Variants in KCNC3 observed in about 807,000 individuals in gnomAD.
KCNC3 encodes potassium voltage-gated channel subfamily C member 3.
KCNC3 carries 22 observed loss-of-function variants against 43.9 expected under a neutral mutation model. That is an observed-to-expected ratio of 0.50 (90% confidence interval 0.36 to 0.72). KCNC3 has a LOEUF of 0.72. Among genes scored for constraint, KCNC3 ranks in the 30% least tolerant of loss-of-function variants. The pLI is 0.00. For missense variants in KCNC3, 829 were observed against 1,073.8 expected (o/e 0.77, Z 3.19); for synonymous variants, 492 against 488.0 (o/e 1.01, Z -0.11).
intron 2 of KCNC3, among the ~76,000 whole-genome samples, chr19:50,321,467 AAAAAGAT>A (rs779703540): frequency 1.3e-5 from 2 of 152,002 alleles, no homozygotes; most frequent in Non-Finnish European, 2.9e-5. Flanking sequence ...CCTGTCTCCA[AAAAAGAT>A]AAAAGATAAA....
upstream of KCNC3, among the ~76,000 whole-genome samples, chr19:50,330,207 C>T (rs1000249704): frequency 6.6e-5 from 10 of 152,158 alleles, no homozygotes; most frequent in Non-Finnish European, 1.2e-4. Flanking sequence ...GTAGAGGTTG[C>T]AATGAGTCGA....
intron 1 of KCNC3, among the ~76,000 whole-genome samples, chr19:50,327,305 G>A (rs1037906733): frequency 1.3e-5 from 2 of 152,152 alleles, no homozygotes; most frequent in African/African-American, 4.8e-5. Flanking sequence ...AGGCTTGGGG[G>A]AAGTCTGGAG....
rs1218702628 is a variant in KCNC3, at chr19:50,324,368, T to G, written c.871-286A>C. 6.6e-6 allele frequency among the ~76,000 whole-genome samples: 1 copy of G among 152,192 alleles called. No individual in the cohort carries two copies. The highest frequency in any genetic ancestry group is 1.5e-5 in the Non-Finnish European group (1 of 68,032). ...TTCCTTGGAAACATTTCTGGCCCCT[T>G]GCTGTTTCCTAGACCACCTCCCCCC... On this transcript the variant is annotated intron_variant, in intron 1 of 4. Coordinates refer to ENST00000477616, the MANE Select transcript of KCNC3 (RefSeq NM_004977.3). The surrounding 1 kb of genome is among the most constrained non-coding windows in gnomAD (Gnocchi z 4.1).
At position 50,328,380 on chromosome 19, in the gene KCNC3, G is replaced by GGCC. The variant is rs1347341383; in HGVS notation, c.700_702dup (p.Gly234dup). ...TTGAGCTCGCCGCCCGCTCCGTCCA[G>GGCC]GCCGCCGCCGCCCGCGCCCGCCTCG... On this transcript the variant is annotated inframe_insertion, in exon 1 of 5. Transcript: ENST00000477616. 2 of 1,258,170 alleles carry GGCC rather than the reference G, an allele frequency of 1.6e-6. No homozygotes were observed. The highest frequency in any genetic ancestry group is 2.9e-5 in the South Asian group (1 of 34,924). The allele number at this position is 1,258,170 out of a possible 1,614,324, so 77.9% of individuals were successfully genotyped here. A position where few individuals can be genotyped will look rare whatever the true frequency, so the allele number is the denominator to read the frequency against.
In KCNC3 at chr19:50,312,006, T is replaced by C. The variant is rs2036882165; in HGVS notation, c.*4109A>G. The C allele has an allele frequency of 6.6e-6, 1 of 152,012 alleles. No homozygotes were observed. The highest frequency in any genetic ancestry group is 2.4e-5 in the African/African-American group (1 of 41,368). The allele number at this position is 152,012 out of a possible 1,614,324, so 9.4% of individuals were successfully genotyped here. On this transcript the variant is annotated 3_prime_UTR_variant, in exon 5 of 5. Transcript: ENST00000477616. ...TGGGTGGGAAGGGGGCATGACACTT[T>C]TTCTTTGGGGAGAGGGGGGTGACAT...
Position 50,324,442 on chromosome 19 carries a change from CG to C in KCNC3, c.871-361del, listed in dbSNP as rs1259755929. Reference sequence around the variant, plus strand: ...TTTCAGGGCCCCCCAGCAGGGTCCACGGGTTCTGCTGTGGGACGGGAGCCGC... The same window carrying C: ...TTTCAGGGCCCCCCAGCAGGGTCCACGGTTCTGCTGTGGGACGGGAGCCGC... On this transcript the variant is annotated intron_variant, in intron 1 of 4. Coordinates refer to ENST00000477616, the MANE Select transcript of KCNC3 (RefSeq NM_004977.3). The surrounding 1 kb of genome is among the most constrained non-coding windows in gnomAD (Gnocchi z 4.1). 6.6e-6 allele frequency among the ~76,000 whole-genome samples: 1 copy of C among 152,144 alleles called. No homozygotes were observed. Among genetic ancestry groups the C allele is most frequent in the Non-Finnish European group, 1.5e-5 (1 of 68,026 alleles).
In KCNC3 at chr19:50,323,920, C is replaced by T. The variant is rs1393350550; in HGVS notation, c.1033G>A (p.Glu345Lys). The change falls in exon 2 of 5, where the codon GAG becomes AAG. Residue 345 changes from glutamate (E) to lysine (K), a missense_variant. Transcript: ENST00000477616. Reference protein sequence around the residue: ...ENITNVEVETEPFLTYVEGVC... With the variant: ...ENITNVEVETKPFLTYVEGVC... ...CCCTCCACGTAGGTCAGGAAGGGCT[C>T]CGTCTCCACCTCCACGTTGGTGATG... 1 of 1,614,208 alleles carries T rather than the reference C, an allele frequency of 6.2e-7. No individual in the cohort carries two copies. Among genetic ancestry groups the T allele is most frequent in the Non-Finnish European group, 8.5e-7 (1 of 1,180,040 alleles).
chr19:50,333,292 GA>G (rs2037208103), upstream of KCNC3, among the ~76,000 whole-genome samples: 1 of 152,214 alleles, frequency 6.6e-6, no homozygotes, highest in East Asian at 1.9e-4. Flanking sequence ...GCAGAGGGGG[GA>G]GTGACATCAC....
intron 2 of KCNC3, among the ~76,000 whole-genome samples, 190 bp from the exon 3 acceptor site, chr19:50,320,974 G>C (rs1220494901): frequency 4.1e-5 from 6 of 147,008 alleles, no homozygotes; most frequent in African/African-American, 1.2e-4. Context: ...ACAGCTGGGA[G>C]AGGGTATCAA....
Position 50,323,213 on chromosome 19 carries a change from G to T in KCNC3, c.1740C>A (p.Pro580=). Reference sequence around the variant, plus strand: ...GGTGCGGGTGGGGCGGGGGTGGCGGGGGTGGGTCAGGCTTGCAGTAGTTGG... The same window carrying T: ...GGTGCGGGTGGGGCGGGGGTGGCGGTGGTGGGTCAGGCTTGCAGTAGTTGG... ...GSPNYCKPDP[P]PPPPPHPHHG... The change falls in exon 2 of 5, where the codon CCC becomes CCA. Residue 580 remains proline (P), a synonymous_variant. Transcript: ENST00000477616. 1 of 1,536,074 alleles carries T rather than the reference G, an allele frequency of 6.5e-7. No homozygotes were observed. Among genetic ancestry groups the T allele is most frequent in the Non-Finnish European group, 8.7e-7 (1 of 1,145,576 alleles).
chr19:50,322,750 C>G (rs556760857), intron 2 of KCNC3, among the ~76,000 whole-genome samples: 1 of 152,304 alleles, frequency 6.6e-6, no homozygotes, highest in Non-Finnish European at 1.5e-5. Flanking sequence ...GCCAGCCCCT[C>G]TGAATATCTT....
intron 4 of KCNC3, among the ~76,000 whole-genome samples, chr19:50,318,506 A>G (rs1457811633): frequency 2.0e-5 from 3 of 152,026 alleles, no homozygotes; most frequent in Non-Finnish European, 2.9e-5. Context: ...GCTTCTTCCT[A>G]TGAGCGGCTG....
upstream of KCNC3, among the ~76,000 whole-genome samples, chr19:50,332,103 G>A (rs2037195975): frequency 1.3e-5 from 2 of 152,130 alleles, no homozygotes; most frequent in South Asian, 4.1e-4. This position sits in a 1 kb window ranked among gnomAD's most constrained non-coding sequence, Gnocchi z 5.8. Context: ...CCGAATTCTG[G>A]TGCACCCCCA....
chr19:50,333,485 C>T (rs1178996904), upstream of KCNC3: 12 of 198,818 alleles, frequency 6.0e-5, no homozygotes, highest in Non-Finnish European at 6.4e-5. Flanking sequence ...CAGCCACCCC[C>T]GACTGCCACC....
chr19:50,320,409 G>A (rs2037014170), intron 3 of KCNC3, 60 bp from the exon 4 acceptor site: 1 of 614,732 alleles, frequency 1.6e-6, no homozygotes, highest in Non-Finnish European at 2.9e-6. Context: ...AAAGACAGGT[G>A]AAGGGTCAGT....
rs1340508759 is a variant in KCNC3, at chr19:50,318,060, T to C, written c.*24-1969A>G. Among the ~76,000 whole-genome samples, 4 of 152,250 alleles carry C rather than the reference T, an allele frequency of 2.6e-5. No individual in the cohort carries two copies. The East Asian group carries it at 7.7e-4, about 29-fold the overall frequency. On this transcript the variant is annotated intron_variant, in intron 4 of 4. Transcript: ENST00000477616. ...CTCCCACCTTGGCCTCCCAAAGTGC[T>C]GGGGTTATAGGCGGCAGCCACTGTG...
intron 4 of KCNC3, among the ~76,000 whole-genome samples, chr19:50,317,019 C>A: frequency 6.6e-6 from 1 of 151,664 alleles, no homozygotes; most frequent in African/African-American, 2.4e-5. Flanking sequence ...CCCAGCCACC[C>A]CCACCCCAAT....
In KCNC3 at chr19:50,314,464, A is replaced by C; in HGVS notation, c.*1651T>G. The C allele has an allele frequency of 5.7e-6, 1 of 175,484 alleles. No individual in the cohort carries two copies. The highest frequency in any genetic ancestry group is 6.1e-5 in the Admixed American group (1 of 16,300). 10.9% of individuals were successfully genotyped at this position (175,484 alleles called of 1,614,324 possible). On this transcript the variant is annotated 3_prime_UTR_variant, in exon 5 of 5. Transcript: ENST00000477616. ...CCGCGCATGCGGCCCCTGGCGGCTT[A>C]TTGCTGAGGTGGACTTGGAGTGGGG...
chr19:50,329,084 G>T lies in KCNC3; in HGVS notation c.-2C>A. ...CGAGACGCAGACTGAGCTCAGCATT[G>T]GACGGGGGGCGGGGCGGGAGGGGCG... is the stretch of plus-strand genomic sequence containing the variant. On this transcript the variant is annotated 5_prime_UTR_variant, in exon 1 of 5. Transcript: ENST00000477616. 9.0e-7 allele frequency: 1 copy of T among 1,111,612 alleles called. No individual in the cohort carries two copies. The highest frequency in any genetic ancestry group is 1.7e-5 in the African/African-American group (1 of 60,578). 68.9% of individuals were successfully genotyped at this position (1,111,612 alleles called of 1,614,324 possible).
Sources: gnomAD v4.1 joint callset for allele counts (sites outside exome capture counted in the v4.1 genomes callset) on GRCh38, gnomAD v4.1.1 for gene constraint, Gnocchi (gnomAD v3.1) non-coding constraint, MANE v1.5 for transcripts, NCBI Gene and HGNC (gene_info 2026-07-23, HGNC 2026-07-21) for gene names.